KLHDC8A: variants seen among roughly 807,000 people sequenced by gnomAD.
The protein encoded by KLHDC8A is kelch domain-containing protein 8A.
A neutral mutation model predicts 33.1 loss-of-function variants in KLHDC8A; 21 were observed. The ratio of observed to expected loss-of-function variants is 0.64; its 90% CI spans 0.45 to 0.91. The LOEUF (loss-of-function observed/expected upper bound fraction) is 0.91. Among genes scored for constraint, KLHDC8A ranks in the 40% least tolerant of loss-of-function variants. KLHDC8A has a pLI of 0.00. For synonymous variants in KLHDC8A, 173 were observed against 193.5 expected (o/e 0.89, Z 0.88); for missense variants, 435 against 483.3 (o/e 0.90, Z 0.94).
At chr1:205,338,408 A>G in intron 5 of KLHDC8A, 87 bp downstream of exon 5, 1 of 1,037,828 alleles carries the variant, frequency 9.6e-7, no homozygotes, top group Non-Finnish European at 1.5e-6. Context: ...GCAGGGAGTC[A>G]GTACCCTTTC....
rs763963286 is a variant in KLHDC8A, at chr1:205,337,110, G to T, written c.*289C>A. 2 of 407,080 alleles carry T rather than the reference G, an allele frequency of 4.9e-6. No homozygotes were observed. The highest frequency in any genetic ancestry group is 9.0e-6 in the Non-Finnish European group (2 of 222,872). 25.2% of individuals were successfully genotyped at this position (407,080 alleles called of 1,614,324 possible). Reference sequence around the variant, plus strand: ...GGGGGGAGGTGGGACTCACAGGAGGGAGAGGTAGGAAATATTCCTGTGCCT... The same window carrying T: ...GGGGGGAGGTGGGACTCACAGGAGGTAGAGGTAGGAAATATTCCTGTGCCT... On this transcript the variant is annotated 3_prime_UTR_variant, in exon 6 of 6. Transcript: ENST00000367155.
In KLHDC8A at chr1:205,339,526, TG is replaced by T; in HGVS notation, c.541+117del. ...TTCATACAGGAAGCTCCCGGTGGGC[TG>T]GGCAGTGTGATTATCCCCAGTGCCG... On this transcript the variant is annotated intron_variant, in intron 3 of 5. Coordinates refer to ENST00000367155, the MANE Select transcript of KLHDC8A (RefSeq NM_018203.3). The surrounding 1 kb of genome is among the most constrained non-coding windows in gnomAD (Gnocchi z 5.1). 1 of 1,425,300 alleles carries T rather than the reference TG, an allele frequency of 7.0e-7. No homozygotes were observed. Among genetic ancestry groups the T allele is most frequent in the Non-Finnish European group, 9.7e-7 (1 of 1,029,492 alleles). The allele number at this position is 1,425,300 out of a possible 1,614,324, so 88.3% of individuals were successfully genotyped here.
Position 205,356,625 on chromosome 1 carries a change from T to C in KLHDC8A, c.-282A>G. On this transcript the variant is annotated 5_prime_UTR_variant, in exon 1 of 6. Coordinates refer to ENST00000367155, the MANE Select transcript of KLHDC8A (RefSeq NM_018203.3). ...GAGAGGGTCGAGCGGGTGTTGGCTCTGAGGCTTGTCCTAGGAGCTGGCTGG... is the reference window on the plus strand; with the variant it reads ...GAGAGGGTCGAGCGGGTGTTGGCTCCGAGGCTTGTCCTAGGAGCTGGCTGG... 4.4e-6 allele frequency: 2 copies of C among 455,790 alleles called. No homozygotes were observed. The highest frequency in any genetic ancestry group is 3.1e-5 in the South Asian group (2 of 64,468). The allele number at this position is 455,790 out of a possible 1,614,324, so 28.2% of individuals were successfully genotyped here.
intron 5 of KLHDC8A, among the ~76,000 whole-genome samples, 180 bp from the exon 6 acceptor site, chr1:205,337,772 C>T (rs768259035): frequency 1.3e-5 from 2 of 152,148 alleles, no homozygotes; most frequent in Non-Finnish European, 2.9e-5. Flanking sequence ...GCCACTTTGT[C>T]CCTCCTACCG....
At position 205,352,982 on chromosome 1, in the gene KLHDC8A, G is replaced by A. The variant is rs780817719; in HGVS notation, c.-190+3551C>T. Among the ~76,000 whole-genome samples, 50 of 152,312 alleles carry A rather than the reference G, an allele frequency of 3.3e-4. No individual in the cohort carries two copies. The Middle Eastern group carries it at 0.01, about 31-fold the overall frequency. ...GCCCCCCACGAGGAACCACCACTAGGGATCCAGTGTGTCCTTTGTTCCTCT... is the reference window on the plus strand; with the variant it reads ...GCCCCCCACGAGGAACCACCACTAGAGATCCAGTGTGTCCTTTGTTCCTCT... On this transcript the variant is annotated intron_variant, in intron 1 of 5. Coordinates refer to ENST00000367155, the MANE Select transcript of KLHDC8A (RefSeq NM_018203.3).
At chr1:205,350,801 C>CTGTGTGTGTATGTG (rs1308873935) in intron 1 of KLHDC8A, among the ~76,000 whole-genome samples, 136 of 74,460 alleles carry the variant, frequency 1.8e-3, no homozygotes, top group South Asian at 4.1e-3. Context: ...GCGTGCGTGC[C>CTGTGTGTGTATGTG]TGTGTGTGCA....
chr1:205,351,888 C>T (rs1008245507), intron 1 of KLHDC8A, among the ~76,000 whole-genome samples: 1 of 151,360 alleles, frequency 6.6e-6, no homozygotes, highest in Admixed American at 6.6e-5. Flanking sequence ...CATTGCACTC[C>T]AGCCTGGGCA....
In KLHDC8A at chr1:205,339,409, C is replaced by G. The variant is rs766191604; in HGVS notation, c.542G>C (p.Gly181Ala). ...GACCGCGTACTTGGACTGTCGTCCCCCTGGGGGCCAGAGCAGGATAGAGGT... is the reference window on the plus strand; with the variant it reads ...GACCGCGTACTTGGACTGTCGTCCCGCTGGGGGCCAGAGCAGGATAGAGGT... ...FLRGSKIYVL[G>A]GRQSKYAVNA... Residue 181 changes from glycine to alanine, a missense_variant and splice_region_variant, in exon 4 of 6, where the codon GGG becomes GCG. By Grantham distance (60) the Gly-to-Ala change is moderately conservative. Coordinates refer to ENST00000367155, the MANE Select transcript of KLHDC8A (RefSeq NM_018203.3). The surrounding 1 kb of genome is among the most constrained non-coding windows in gnomAD (Gnocchi z 5.1). 1 of 1,612,812 alleles carries G rather than the reference C, an allele frequency of 6.2e-7. No homozygotes were observed.
chr1:205,339,390 G>A lies in KLHDC8A; in HGVS notation c.561C>T (p.Tyr187=), dbSNP rs538173224. ...IYVLGGRQSK[Y]AVNAFEVFDI... The stretch of plus-strand genomic sequence containing the variant: ...CAAAGACCTCGAAAGCGTTGACCGC[G>A]TACTTGGACTGTCGTCCCCCTGGGG... Residue 187 remains tyrosine (Y), a synonymous_variant, in exon 4 of 6, where the codon TAC becomes TAT. Coordinates refer to ENST00000367155, the MANE Select transcript of KLHDC8A (RefSeq NM_018203.3). This position sits in a 1 kb window ranked among gnomAD's most constrained non-coding sequence, Gnocchi z 5.1. 6.8e-6 allele frequency: 11 copies of A among 1,613,756 alleles called. No homozygotes were observed. Among genetic ancestry groups the A allele is most frequent in the African/African-American group, 1.3e-5 (1 of 75,048 alleles).
chr1:205,352,006 C>G (rs1472607822), intron 1 of KLHDC8A, among the ~76,000 whole-genome samples: 1 of 152,092 alleles, frequency 6.6e-6, no homozygotes, highest in Non-Finnish European at 1.5e-5. Flanking sequence ...CTCTGACATC[C>G]AGGGGGATCC....
intron 2 of KLHDC8A, among the ~76,000 whole-genome samples, chr1:205,340,932 G>A (rs899076554): frequency 6.6e-5 from 10 of 152,202 alleles, no homozygotes. Flanking sequence ...CAGCCCCATT[G>A]GGGAATGCCA....
At chr1:205,355,428 C>T (rs1206428995) in intron 1 of KLHDC8A, among the ~76,000 whole-genome samples, 1 of 152,168 alleles carries the variant, frequency 6.6e-6, no homozygotes, top group Admixed American at 6.5e-5. Flanking sequence ...GTCATTTTTC[C>T]CGTTTCTATA....
chr1:205,354,461 T>A (rs535345219), intron 1 of KLHDC8A, among the ~76,000 whole-genome samples: 2 of 152,220 alleles, frequency 1.3e-5, no homozygotes, highest in South Asian at 2.1e-4. Flanking sequence ...GCGCTTACAA[T>A]CCCTCACCAG....
chr1:205,349,397 G>A (rs528466600), intron 1 of KLHDC8A, among the ~76,000 whole-genome samples: 57 of 152,308 alleles, frequency 3.7e-4, no homozygotes, highest in South Asian at 3.7e-3. Flanking sequence ...ATCCATTAAC[G>A]AATGCATCTG....
In KLHDC8A at chr1:205,343,720, G is replaced by C. The variant is rs7526701; in HGVS notation, c.-116C>G. Reference sequence around the variant, plus strand: ...CACCTCCATCTGGCTCCCGAGCGCCGGACCCAGCCAGACCCCGGCCAGTGC... The same window carrying C: ...CACCTCCATCTGGCTCCCGAGCGCCCGACCCAGCCAGACCCCGGCCAGTGC... On this transcript the variant is annotated 5_prime_UTR_variant, in exon 2 of 6. Transcript: ENST00000367155. 2 of 1,187,676 alleles carry C rather than the reference G, an allele frequency of 1.7e-6. No individual in the cohort carries two copies. The highest frequency in any genetic ancestry group is 1.5e-5 in the African/African-American group (1 of 64,832). The allele number at this position is 1,187,676 out of a possible 1,614,324, so 73.6% of individuals were successfully genotyped here.
chr1:205,337,112 G>C lies in KLHDC8A; in HGVS notation c.*287C>G, dbSNP rs1051150851. ...GGGGAGGTGGGACTCACAGGAGGGA[G>C]AGGTAGGAAATATTCCTGTGCCTTT... On this transcript the variant is annotated 3_prime_UTR_variant, in exon 6 of 6. Coordinates refer to ENST00000367155, the MANE Select transcript of KLHDC8A (RefSeq NM_018203.3). 1.2e-5 allele frequency: 5 copies of C among 412,762 alleles called. No individual in the cohort carries two copies. The highest frequency in any genetic ancestry group is 2.2e-5 in the Non-Finnish European group (5 of 226,334). The allele number at this position is 412,762 out of a possible 1,614,324, so 25.6% of individuals were successfully genotyped here.
chr1:205,352,821 C>A (rs975871892), intron 1 of KLHDC8A, among the ~76,000 whole-genome samples: 5 of 152,236 alleles, frequency 3.3e-5, no homozygotes, highest in African/African-American at 1.2e-4. Flanking sequence ...GGCCTTGGCC[C>A]TTGAGCATCC....
rs145029274 is a variant in KLHDC8A, at chr1:205,347,544, C to T, written c.-189-3751G>A. On this transcript the variant is annotated intron_variant, in intron 1 of 5. Coordinates refer to ENST00000367155, the MANE Select transcript of KLHDC8A (RefSeq NM_018203.3). ...GACTAGCCTCAAAAACATAGTGAGA[C>T]CCTGTCTCTGCAAAAAATAAACAAA... 6.6e-3 allele frequency among the ~76,000 whole-genome samples: 1,009 copies of T among 152,108 alleles called. 14 individuals carry two copies. The highest frequency in any genetic ancestry group is 0.023 in the African/African-American group (964 of 41,478).
rs1483763233 is a variant in KLHDC8A at position 205,345,431 on chromosome 1, A to G, written c.-189-1638T>C. The stretch of plus-strand genomic sequence containing the variant: ...TATCACAACCAGGGTTTTGAAATTG[A>G]TCGGTAAAGATACAATATAATTCTG... On this transcript the variant is annotated intron_variant, in intron 1 of 5. Coordinates refer to ENST00000367155, the MANE Select transcript of KLHDC8A (RefSeq NM_018203.3). Among the ~76,000 whole-genome samples, 4 of 152,148 alleles carry G rather than the reference A, an allele frequency of 2.6e-5. No homozygotes were observed. The East Asian group carries it at 5.8e-4, about 22-fold the overall frequency.
Sources: allele counts gnomAD v4.1 joint callset (sites outside exome capture counted in the v4.1 genomes callset), GRCh38; gene constraint gnomAD v4.1.1; non-coding constraint Gnocchi (gnomAD v3.1); transcripts MANE v1.5; gene names NCBI Gene and HGNC (gene_info 2026-07-23, HGNC 2026-07-21).